SPMIP2: variants seen among roughly 807,000 people sequenced by gnomAD.
The protein encoded by SPMIP2 is sperm microtubule inner protein 2.
chr4:158,942,862 A>G, the SPMIP2 span, among the ~76,000 whole-genome samples: 1 of 152,188 alleles, frequency 6.6e-6, no homozygotes, highest in Non-Finnish European at 1.5e-5. Context: ...ACTGCATCCT[A>G]ATATACTCAG....
At chr4:158,960,756 C>T in the SPMIP2 span, among the ~76,000 whole-genome samples, 1 of 152,084 alleles carries the variant, frequency 6.6e-6, no homozygotes, top group Non-Finnish European at 1.5e-5. Context: ...GTCGTAATAA[C>T]GTAGGAAAGA....
the SPMIP2 span, among the ~76,000 whole-genome samples, chr4:158,945,162 C>A: frequency 6.6e-6 from 1 of 152,170 alleles, no homozygotes; most frequent in South Asian, 2.1e-4. Context: ...ACATTTGTTA[C>A]TGAGGTCCGC....
the SPMIP2 span, among the ~76,000 whole-genome samples, chr4:158,997,997 A>AT: frequency 6.0e-5 from 9 of 151,204 alleles, no homozygotes; most frequent in Non-Finnish European, 1.3e-4. Context: ...AGGTCAGCAC[A>AT]TTTTTTTTTA....
At chr4:159,045,447 G>A in the SPMIP2 span, among the ~76,000 whole-genome samples, 1 of 152,178 alleles carries the variant, frequency 6.6e-6, no homozygotes, top group Non-Finnish European at 1.5e-5. Flanking sequence ...CACTTAGGTT[G>A]AAACCTTTCT....
the SPMIP2 span, among the ~76,000 whole-genome samples, chr4:159,041,720 T>C: frequency 1.4e-3 from 213 of 152,348 alleles, 1 homozygote; most frequent in Non-Finnish European, 4.3e-4. Flanking sequence ...GTGGTCTTTC[T>C]CCTCCCACCA....
At chr4:159,038,058 A>G in the SPMIP2 span, among the ~76,000 whole-genome samples, 1 of 151,880 alleles carries the variant, frequency 6.6e-6, no homozygotes, top group Non-Finnish European at 1.5e-5. Flanking sequence ...ATTAGTGGTC[A>G]TTTGGGCTGT....
chr4:158,977,625 TTC>T, the SPMIP2 span, among the ~76,000 whole-genome samples: 2 of 104,334 alleles, frequency 1.9e-5, no homozygotes, highest in Non-Finnish European at 3.8e-5. Flanking sequence ...TTTTTTTTTT[TTC>T]TCTTTGAGAC....
chr4:158,973,153 T>A, the SPMIP2 span: 1 of 1,612,734 alleles, frequency 6.2e-7, no homozygotes. Flanking sequence ...CCAATTTCAC[T>A]GACGTACTCA....
At chr4:158,992,430 G>A in the SPMIP2 span, among the ~76,000 whole-genome samples, 1 of 152,136 alleles carries the variant, frequency 6.6e-6, no homozygotes, top group Non-Finnish European at 1.5e-5. Context: ...AAACATAGAT[G>A]GTTTTTCCCT....
the SPMIP2 span, among the ~76,000 whole-genome samples, chr4:158,912,615 G>T: frequency 1.3e-5 from 2 of 152,138 alleles, no homozygotes; most frequent in Non-Finnish European, 2.9e-5. Context: ...TTCACATGTG[G>T]TATTCATTAT....
chr4:159,008,783 CT>C, the SPMIP2 span, among the ~76,000 whole-genome samples: 1 of 152,184 alleles, frequency 6.6e-6, no homozygotes, highest in African/African-American at 2.4e-5. Flanking sequence ...ATTGCATTGT[CT>C]TTTAAATCCA....
chr4:159,081,422 G>T, the SPMIP2 span, among the ~76,000 whole-genome samples: 1 of 152,042 alleles, frequency 6.6e-6, no homozygotes, highest in Non-Finnish European at 1.5e-5. Context: ...TGGTCATGGT[G>T]GCTCATGCCT....
At chr4:158,943,859 T>TTTTTTTC in the SPMIP2 span, among the ~76,000 whole-genome samples, 3 of 31,176 alleles carry the variant, frequency 9.6e-5, no homozygotes, top group African/African-American at 2.8e-4. Context: ...TGACATTTTC[T>TTTTTTTC]TTTTTTTTTT....
At chr4:158,973,059 C>A in the SPMIP2 span, 1 of 1,427,300 alleles carries the variant, frequency 7.0e-7, no homozygotes, top group South Asian at 1.2e-5. Context: ...CTATGAAAAG[C>A]ATAAATTTAA....
chr4:159,075,222 C>G, the SPMIP2 span, among the ~76,000 whole-genome samples: 10 of 152,062 alleles, frequency 6.6e-5, no homozygotes, highest in African/African-American at 2.4e-4. Context: ...TGCAGCATGG[C>G]CTTATTTACC....
chr4:158,895,237 C>G, the SPMIP2 span, among the ~76,000 whole-genome samples: 1 of 152,112 alleles, frequency 6.6e-6, no homozygotes, highest in Non-Finnish European at 1.5e-5. Context: ...TTCAAAATGA[C>G]CTGTTCCCGT....
the SPMIP2 span, among the ~76,000 whole-genome samples, chr4:159,011,877 T>C: frequency 6.6e-6 from 1 of 151,642 alleles, no homozygotes; most frequent in South Asian, 2.1e-4. Context: ...CTGGCCAACA[T>C]GGTGAAACCC....
At chr4:159,006,768 T>G in the SPMIP2 span, among the ~76,000 whole-genome samples, 1 of 152,186 alleles carries the variant, frequency 6.6e-6, no homozygotes, top group African/African-American at 2.4e-5. Flanking sequence ...AACTTACTAA[T>G]AATATGTAAA....
chr4:159,073,247 A>G, the SPMIP2 span, among the ~76,000 whole-genome samples: 3 of 152,168 alleles, frequency 2.0e-5, no homozygotes, highest in African/African-American at 7.2e-5. Flanking sequence ...TCGACCTCCC[A>G]GGCTCAAGTG....
Sources: gnomAD v4.1 joint callset for allele counts (sites outside exome capture counted in the v4.1 genomes callset) on GRCh38, gnomAD v4.1.1 for gene constraint, MANE v1.5 for transcripts, NCBI Gene and HGNC (gene_info 2026-07-23, HGNC 2026-07-21) for gene names.